PREX2: variants seen among roughly 807,000 people sequenced by gnomAD.
PREX2 encodes the protein phosphatidylinositol-3,4,5-trisphosphate dependent Rac exchange factor 2.
A neutral mutation model predicts 203.2 loss-of-function variants in PREX2; 107 were observed. The ratio of observed to expected loss-of-function variants is 0.53; its 90% CI spans 0.45 to 0.62. The LOEUF is 0.62. Ranked by LOEUF, PREX2 falls within the 20% of genes least tolerant of loss-of-function variation. The pLI, the probability that PREX2 is intolerant of heterozygous loss-of-function variation, is 0.00. For synonymous variants in PREX2, 672 were observed against 663.6 expected (o/e 1.01, Z -0.19); for missense variants, 1,777 against 1,955.9 (o/e 0.91, Z 1.72).
chr8:67,952,339 G>T lies in PREX2; in HGVS notation c.-56G>T, dbSNP rs1222767632. On this transcript the variant is annotated 5_prime_UTR_variant, in exon 1 of 40. Transcript: ENST00000288368. The stretch of plus-strand genomic sequence containing the variant: ...CGCCGGGGGCCGGGCAGCAGCGGGC[G>T]CGCGGGTCAGCGCTCAGCACGGCGG... 7.5e-7 allele frequency: 1 copy of T among 1,337,708 alleles called. No individual in the cohort carries two copies. Among genetic ancestry groups the T allele is most frequent in the Non-Finnish European group, 9.5e-7 (1 of 1,047,438 alleles). 82.9% of individuals were successfully genotyped at this position (1,337,708 alleles called of 1,614,324 possible).
intron 5 of PREX2, among the ~76,000 whole-genome samples, chr8:68,029,521 G>A (rs1192722909): frequency 6.6e-6 from 1 of 152,102 alleles, no homozygotes; most frequent in Non-Finnish European, 1.5e-5. Flanking sequence ...TTTAGGGTCC[G>A]AGTTTATGGC....
At chr8:68,167,956 C>T (rs909579966) in intron 35 of PREX2, among the ~76,000 whole-genome samples, 1 of 152,194 alleles carries the variant, frequency 6.6e-6, no homozygotes, top group Non-Finnish European at 1.5e-5. Context: ...ATGGGCCCAG[C>T]AGCCTTTGTT....
rs112265499 is a variant in PREX2, at chr8:68,157,186, C to G, written c.4232-136C>G. On this transcript the variant is annotated intron_variant, in intron 34 of 39. Coordinates refer to ENST00000288368, the MANE Select transcript of PREX2 (RefSeq NM_024870.4). ...GAACAGTTTTCATTCATTTTTGGAC[C>G]TAACATAGTTTTTTTGCATATATGT... 190 of 461,532 alleles carry G rather than the reference C, an allele frequency of 4.1e-4. 2 individuals are homozygous for G. The highest frequency in any genetic ancestry group is 3.3e-3 in the African/African-American group (166 of 49,746). The allele number at this position is 461,532 out of a possible 1,614,324, so 28.6% of individuals were successfully genotyped here. A position where few individuals can be genotyped will look rare whatever the true frequency, so the allele number is the denominator to read the frequency against.
intron 14 of PREX2, 103 bp from the exon 15 acceptor site, chr8:68,077,294 C>A (rs867200986): frequency 1.9e-5 from 15 of 810,124 alleles, no homozygotes; most frequent in African/African-American, 1.5e-4. Context: ...GCTTTATAAG[C>A]GAAGCTTTGT....
intron 37 of PREX2, among the ~76,000 whole-genome samples, chr8:68,194,283 T>C (rs753415331): frequency 3.3e-5 from 5 of 152,178 alleles, no homozygotes; most frequent in East Asian, 3.9e-4. Context: ...ACGTACTGCA[T>C]TGGGGGGAAA....
intron 1 of PREX2, among the ~76,000 whole-genome samples, chr8:67,983,856 A>G (rs1039856112): frequency 1.3e-5 from 2 of 152,032 alleles, no homozygotes; most frequent in Non-Finnish European, 2.9e-5. Flanking sequence ...GTCTCCTTCC[A>G]TTTTCACATC....
chr8:68,094,402 C>T (rs941700073), intron 21 of PREX2, among the ~76,000 whole-genome samples: 11 of 152,130 alleles, frequency 7.2e-5, no homozygotes, highest in East Asian at 1.9e-4. Context: ...TTGATAAGGA[C>T]GGTTATCATT....
At chr8:68,158,414 C>G (rs1010991582) in intron 35 of PREX2, among the ~76,000 whole-genome samples, 2 of 151,910 alleles carry the variant, frequency 1.3e-5, no homozygotes, top group African/African-American at 4.8e-5. Context: ...GAATTGCAAG[C>G]CAGGAGCATA....
chr8:68,021,947 C>G (rs1807580513), intron 3 of PREX2, 89 bp from the exon 4 acceptor site: 1 of 693,202 alleles, frequency 1.4e-6, no homozygotes. Flanking sequence ...GTAGTAAACA[C>G]TCAGTGAAGT....
intron 10 of PREX2, among the ~76,000 whole-genome samples, chr8:68,059,937 T>C (rs1808797444): frequency 1.3e-5 from 2 of 152,242 alleles, no homozygotes; most frequent in South Asian, 4.1e-4. Flanking sequence ...TTAATTTCTC[T>C]GACTTCCTGT....
intron 4 of PREX2, among the ~76,000 whole-genome samples, chr8:68,024,480 A>T (rs1807657534): frequency 6.6e-6 from 1 of 151,982 alleles, no homozygotes; most frequent in African/African-American, 2.4e-5. Context: ...ATAATATTAT[A>T]GCTATGATAG....
intron 4 of PREX2, among the ~76,000 whole-genome samples, chr8:68,025,586 A>T (rs1807694662): frequency 6.6e-6 from 1 of 151,846 alleles, no homozygotes; most frequent in Non-Finnish European, 1.5e-5. Flanking sequence ...AGAAATATTT[A>T]TCTGACCCTT....
chr8:67,966,644 A>ATGCAACCAGAGCTATTTATAAATTAATG (rs1282074512), intron 1 of PREX2, among the ~76,000 whole-genome samples: 3 of 152,162 alleles, frequency 2.0e-5, no homozygotes, highest in Non-Finnish European at 4.4e-5. Flanking sequence ...CAAAAAGAAA[A>ATGCAACCAGAGCTATTTATAAATTAATG]TGCAACCAGA....
intron 10 of PREX2, among the ~76,000 whole-genome samples, chr8:68,056,939 C>T (rs7005292): frequency 0.3 from 45,155 of 152,048 alleles, 6,878 homozygotes; most frequent in Admixed American, 0.32. Flanking sequence ...CTACAGTGCT[C>T]ACTGGGATGC....
chr8:68,212,181 A>T (rs1159454907), intron 37 of PREX2, among the ~76,000 whole-genome samples: 2 of 152,138 alleles, frequency 1.3e-5, no homozygotes, highest in East Asian at 3.9e-4. Flanking sequence ...AACCAGCATT[A>T]ACCTCAGGGC....
chr8:68,105,283 C>G lies in PREX2; in HGVS notation c.2716-2826C>G. 4 of 1,367,720 alleles carry G rather than the reference C, an allele frequency of 2.9e-6. No individual in the cohort carries two copies. In the Middle Eastern group the frequency reaches 8.4e-4, roughly 287 times the overall value. 84.7% of individuals were successfully genotyped at this position (1,367,720 alleles called of 1,614,324 possible). On this transcript the variant is annotated intron_variant, in intron 23 of 39. Coordinates refer to ENST00000288368, the MANE Select transcript of PREX2 (RefSeq NM_024870.4). Reference sequence around the variant, plus strand: ...CTGCCTCCTCCTCTCTTAGGAATATCCCAGGATGGAAGACAGCACTGCATT... The same window carrying G: ...CTGCCTCCTCCTCTCTTAGGAATATGCCAGGATGGAAGACAGCACTGCATT...
chr8:68,047,481 AT>A (rs917882335), intron 8 of PREX2, among the ~76,000 whole-genome samples: 21 of 92,756 alleles, frequency 2.3e-4, no homozygotes, highest in African/African-American at 1.6e-3. Context: ...ATATATATAT[AT>A]ATATATATAT....
At chr8:68,001,628 T>A (rs1020044596) in intron 1 of PREX2, among the ~76,000 whole-genome samples, 1 of 152,100 alleles carries the variant, frequency 6.6e-6, no homozygotes, top group Non-Finnish European at 1.5e-5. Context: ...CATTCTACCA[T>A]AAAGATACGT....
At chr8:68,115,057 C>T (rs760989729) in intron 25 of PREX2, among the ~76,000 whole-genome samples, 79 of 85,132 alleles carry the variant, frequency 9.3e-4, no homozygotes, top group Non-Finnish European at 1.1e-3. Context: ...GTTGGAGTTT[C>T]GCTCTTGTTG....
Sources: gnomAD v4.1 joint callset for allele counts (sites outside exome capture counted in the v4.1 genomes callset) on GRCh38, gnomAD v4.1.1 for gene constraint, MANE v1.5 for transcripts, NCBI Gene and HGNC (gene_info 2026-07-23, HGNC 2026-07-21) for gene names.